Variants in NKAIN3 observed in about 807,000 individuals in gnomAD.
NKAIN3 encodes sodium/potassium-transporting ATPase subunit beta-1-interacting protein 3.
A neutral mutation model predicts 30.2 loss-of-function variants in NKAIN3; 25 were observed. The observed-to-expected ratio is 0.83, with a 90% CI of 0.60 to 1.16. The LOEUF (loss-of-function observed/expected upper bound fraction) is 1.16, where lower values mean the gene tolerates loss of function less well. Ranked by LOEUF, NKAIN3 falls within the 50% of genes most tolerant of loss-of-function variation. NKAIN3 has a pLI of 0.00. For missense variants in NKAIN3, 225 were observed against 254.1 expected (o/e 0.89, Z 0.78); for synonymous variants, 91 against 89.6 (o/e 1.02, Z -0.09).
chr8:62,468,599 G>T lies in NKAIN3; in HGVS notation c.55-110940G>T, dbSNP rs184908663. On this transcript the variant is annotated intron_variant, in intron 1 of 6. Transcript: ENST00000623646. ...CATTTTCTAAAGTTTCTTCATTGTT[G>T]TTCTACAATTTCTCACTGTTCAGTG... Among the ~76,000 whole-genome samples the T allele has an allele frequency of 1.8e-4, 27 of 152,282 alleles. No individual in the cohort carries two copies. The East Asian group carries it at 4.8e-3, about 27-fold the overall frequency.
chr8:62,566,826 T>A lies in NKAIN3; in HGVS notation c.55-12713T>A, dbSNP rs995801420. Among the ~76,000 whole-genome samples, 42 of 152,238 alleles carry A rather than the reference T, an allele frequency of 2.8e-4. 1 individual carries two copies. Among genetic ancestry groups the A allele is most frequent in the Non-Finnish European group, 4.3e-4 (29 of 68,014 alleles). ...CATAAGTGCTGAATGTTACTATTGA[T>A]CATTAAGTATCACTAGACATAACTC... On this transcript the variant is annotated intron_variant, in intron 1 of 6. Coordinates refer to ENST00000623646, the MANE Select transcript of NKAIN3 (RefSeq NM_001304533.3).
chr8:62,838,363 T>C (rs1563586670), intron 4 of NKAIN3, among the ~76,000 whole-genome samples: 1 of 151,878 alleles, frequency 6.6e-6, no homozygotes, highest in African/African-American at 2.4e-5. Context: ...TACACACATA[T>C]ATATTGTTCA....
At chr8:62,586,601 A>G (rs1810485151) in intron 2 of NKAIN3, among the ~76,000 whole-genome samples, 1 of 152,144 alleles carries the variant, frequency 6.6e-6, no homozygotes, top group African/African-American at 2.4e-5. Context: ...GTGTATATGA[A>G]AGAATGAATG....
intron 1 of NKAIN3, among the ~76,000 whole-genome samples, chr8:62,317,235 T>G (rs1157417197): frequency 2.0e-5 from 3 of 152,234 alleles, no homozygotes; most frequent in African/African-American, 7.2e-5. Context: ...GCATGTTCAC[T>G]CTTATAGTAG....
In NKAIN3 at chr8:62,496,251, A is replaced by G. The variant is rs917775099; in HGVS notation, c.55-83288A>G. 6.2e-4 allele frequency among the ~76,000 whole-genome samples: 95 copies of G among 152,278 alleles called. 1 individual carries two copies. The highest frequency in any genetic ancestry group is 2.1e-4 in the Non-Finnish European group (14 of 68,002). Reference sequence around the variant, plus strand: ...TAAGCTATCTTAAACTACATTATTAATGAGGTCCCTTTTATATTGCCTTCC... The same window carrying G: ...TAAGCTATCTTAAACTACATTATTAGTGAGGTCCCTTTTATATTGCCTTCC... On this transcript the variant is annotated intron_variant, in intron 1 of 6. Coordinates refer to ENST00000623646, the MANE Select transcript of NKAIN3 (RefSeq NM_001304533.3).
At chr8:62,562,204 C>T (rs988816178) in intron 1 of NKAIN3, among the ~76,000 whole-genome samples, 3 of 152,136 alleles carry the variant, frequency 2.0e-5, no homozygotes, top group African/African-American at 7.2e-5. Context: ...GCTAATCAAA[C>T]TTTCAAACTT....
At chr8:62,767,539 CTT>C (rs886510970) in intron 4 of NKAIN3, among the ~76,000 whole-genome samples, 7 of 149,796 alleles carry the variant, frequency 4.7e-5, no homozygotes, top group African/African-American at 7.4e-5. Flanking sequence ...TCGATAAACT[CTT>C]TTTTTTTTCT....
chr8:62,934,365 AG>A lies in NKAIN3; in HGVS notation c.532+15854del, dbSNP rs1233694822. 4.2e-5 allele frequency among the ~76,000 whole-genome samples: 4 copies of A among 95,358 alleles called. No individual in the cohort carries two copies. In the Admixed American group the frequency reaches 5.1e-4, roughly 12 times the overall value. The allele number at this position is 95,358 out of a possible 152,430, so 62.6% of individuals were successfully genotyped here. On this transcript the variant is annotated intron_variant, in intron 5 of 6. Transcript: ENST00000623646. ...TGCAGTCCAGCCTGGACAACAAAGCAGGACCCTGTCTCTTAAAAAAAAAAAA... is the reference window on the plus strand; with the variant it reads ...TGCAGTCCAGCCTGGACAACAAAGCAGACCCTGTCTCTTAAAAAAAAAAAA...
intron 5 of NKAIN3, among the ~76,000 whole-genome samples, chr8:62,940,606 G>A (rs1168706228): frequency 6.6e-6 from 1 of 151,914 alleles, no homozygotes; most frequent in African/African-American, 2.4e-5. Context: ...GATATCAATT[G>A]CAAAAGGAAA....
intron 1 of NKAIN3, chr8:62,482,199 A>T (rs1806744752): frequency 6.6e-6 from 1 of 151,864 alleles, no homozygotes; most frequent in Admixed American, 6.6e-5. Flanking sequence ...TTATTTTTTA[A>T]TTCTAAGGTT....
chr8:62,836,155 G>A (rs1819355150), intron 4 of NKAIN3, among the ~76,000 whole-genome samples: 1 of 151,930 alleles, frequency 6.6e-6, no homozygotes, highest in Admixed American at 6.6e-5. Context: ...ACATAAATAT[G>A]GAAACAGTAA....
At chr8:62,357,535 G>A (rs1816398754) in intron 1 of NKAIN3, among the ~76,000 whole-genome samples, 1 of 152,120 alleles carries the variant, frequency 6.6e-6, no homozygotes, top group African/African-American at 2.4e-5. Context: ...CTAGAATAAA[G>A]GCATCTCTTT....
At chr8:62,418,768 T>C (rs1356261697) in intron 1 of NKAIN3, among the ~76,000 whole-genome samples, 1 of 152,204 alleles carries the variant, frequency 6.6e-6, no homozygotes, top group East Asian at 1.9e-4. Context: ...TATTTGTCTC[T>C]GCCCCCATTG....
chr8:62,937,244 T>C (rs62508079), intron 5 of NKAIN3, among the ~76,000 whole-genome samples: 10,741 of 152,050 alleles, frequency 0.071, 392 homozygotes, highest in South Asian at 0.13. Context: ...TGAACTTTTG[T>C]TCCAAGAACT....
At chr8:62,734,725 G>A (rs938016840) in intron 3 of NKAIN3, among the ~76,000 whole-genome samples, 5 of 152,320 alleles carry the variant, frequency 3.3e-5, no homozygotes, top group African/African-American at 1.2e-4. Flanking sequence ...AAAAACTGCT[G>A]AAAGGCAAGA....
At chr8:62,403,315 A>G (rs1252927196) in intron 1 of NKAIN3, among the ~76,000 whole-genome samples, 1 of 152,266 alleles carries the variant, frequency 6.6e-6, no homozygotes, top group African/African-American at 2.4e-5. Flanking sequence ...AATACAAGCC[A>G]GCTACAGAAA....
chr8:62,374,981 T>A (rs1200592357), intron 1 of NKAIN3, among the ~76,000 whole-genome samples: 1 of 152,244 alleles, frequency 6.6e-6, no homozygotes, highest in Non-Finnish European at 1.5e-5. Context: ...TGTCAATCAT[T>A]AATTATTTCA....
At chr8:62,445,923 G>A (rs944220789) in intron 1 of NKAIN3, among the ~76,000 whole-genome samples, 10 of 152,206 alleles carry the variant, frequency 6.6e-5, no homozygotes, top group East Asian at 1.9e-4. Flanking sequence ...TGTTAAGCAC[G>A]AAACTCATAG....
chr8:62,619,790 G>A (rs1460719274), intron 3 of NKAIN3, among the ~76,000 whole-genome samples: 1 of 151,922 alleles, frequency 6.6e-6, no homozygotes, highest in Non-Finnish European at 1.5e-5. Flanking sequence ...GGCTTTTAGG[G>A]TCTTCCTAAC....
Sources: allele counts gnomAD v4.1 joint callset (sites outside exome capture counted in the v4.1 genomes callset), GRCh38; gene constraint gnomAD v4.1.1; transcripts MANE v1.5; gene names NCBI Gene and HGNC (gene_info 2026-07-23, HGNC 2026-07-21).